SLC28A3: variants seen among roughly 807,000 people sequenced by gnomAD.
The protein encoded by SLC28A3 is concentrative Na(+)-nucleoside cotransporter 3.
Under a neutral mutation model 84.2 loss-of-function variants are expected in SLC28A3, and 68 were observed. That is an observed-to-expected ratio of 0.81 (90% CI 0.66 to 0.99). The LOEUF (loss-of-function observed/expected upper bound fraction) is 0.99. Among genes scored for constraint, SLC28A3 ranks in the 50% least tolerant of loss-of-function variants. The probability of loss-of-function intolerance (pLI) is 0.00; values close to 1 mark genes in which losing one functional copy is unlikely to be tolerated. For missense variants in SLC28A3, 712 were observed against 841.5 expected (o/e 0.85, Z 1.90); for synonymous variants, 267 against 303.6 (o/e 0.88, Z 1.25).
intron 14 of SLC28A3, among the ~76,000 whole-genome samples, chr9:84,284,345 T>C (rs898479391): frequency 6.6e-6 from 1 of 152,152 alleles, no homozygotes; most frequent in African/African-American, 2.4e-5. Context: ...TGGGTCAAAA[T>C]GCCCCAGCTG....
chr9:84,323,867 T>C (rs1344922220), intron 1 of SLC28A3, among the ~76,000 whole-genome samples: 2 of 152,060 alleles, frequency 1.3e-5, no homozygotes, highest in African/African-American at 2.4e-5. Flanking sequence ...CCCTCTCCCA[T>C]GTCCTCCTTA....
chr9:84,327,997 C>G (rs1826631213), intron 1 of SLC28A3, among the ~76,000 whole-genome samples: 1 of 151,030 alleles, frequency 6.6e-6, no homozygotes, highest in Non-Finnish European at 1.5e-5. Context: ...TCAGAGTTCA[C>G]CCAGTACTGT....
rs1003670263 is a variant in SLC28A3 at position 84,277,664 on chromosome 9, T to A, written c.*554A>T. 1.3e-5 allele frequency: 2 copies of A among 152,388 alleles called. No homozygotes were observed. The highest frequency in any genetic ancestry group is 4.8e-5 in the African/African-American group (2 of 41,478). 9.4% of individuals were successfully genotyped at this position (152,388 alleles called of 1,614,324 possible). On this transcript the variant is annotated 3_prime_UTR_variant, in exon 18 of 18. Coordinates refer to ENST00000376238, the MANE Select transcript of SLC28A3 (RefSeq NM_001199633.2). ...ATGGATTTAAACCCTGGTTTTGGTATGATCCACGTGTTCTCCTCAAGGACT... is the reference window on the plus strand; with the variant it reads ...ATGGATTTAAACCCTGGTTTTGGTAAGATCCACGTGTTCTCCTCAAGGACT...
intron 1 of SLC28A3, among the ~76,000 whole-genome samples, chr9:84,340,242 C>T (rs3812509): frequency 0.6 from 90,392 of 151,818 alleles, 27,145 homozygotes; most frequent in Middle Eastern, 0.68. Flanking sequence ...ATCTAAATTC[C>T]CCCATTTTTC....
chr9:84,317,792 TG>T (rs1426291107), intron 1 of SLC28A3, among the ~76,000 whole-genome samples: 1 of 152,198 alleles, frequency 6.6e-6, no homozygotes. Context: ...AAGTGCTCAT[TG>T]ACTATTAAGT....
At position 84,278,362 on chromosome 9, in the gene SLC28A3, G is replaced by C. The variant is rs1316461473; in HGVS notation, c.1950-18C>G. 2.5e-6 allele frequency: 4 copies of C among 1,613,660 alleles called. No individual in the cohort carries two copies. The highest frequency in any genetic ancestry group is 1.7e-4 in the Middle Eastern group (1 of 6,056). ...CAACAGTGCTGGTGGAAAGTGGAAA[G>C]AAACAGTTACATGAGCCATAGATGG... On this transcript the variant is annotated intron_variant, in intron 17 of 17. Coordinates refer to ENST00000376238, the MANE Select transcript of SLC28A3 (RefSeq NM_001199633.2).
intron 2 of SLC28A3, 65 bp downstream of exon 2, chr9:84,313,294 T>C (rs1300219535): frequency 5.6e-6 from 8 of 1,426,936 alleles, no homozygotes; most frequent in Non-Finnish European, 7.8e-6. Context: ...TGCCCACTGT[T>C]CTCAGGTGCC....
At chr9:84,310,808 C>G (rs1825964029) in intron 2 of SLC28A3, among the ~76,000 whole-genome samples, 1 of 152,040 alleles carries the variant, frequency 6.6e-6, no homozygotes, top group African/African-American at 2.4e-5. Flanking sequence ...GGAGTTGAGT[C>G]TTATTTATTT....
At chr9:84,305,464 C>A in intron 3 of SLC28A3, 119 bp from the exon 4 acceptor site, 1 of 789,582 alleles carries the variant, frequency 1.3e-6, no homozygotes, top group South Asian at 1.5e-5. Flanking sequence ...ATGTGTGAGG[C>A]GTATGTCTTA....
rs10441793 is a variant in SLC28A3 at position 84,290,120 on chromosome 9, G to T, written c.1149+34C>A. On this transcript the variant is annotated intron_variant, in intron 11 of 17. Coordinates refer to ENST00000376238, the MANE Select transcript of SLC28A3 (RefSeq NM_001199633.2). ...AAATAACAATAATAAAGAAAGAAGA[G>T]GTTGGTGTTTTCATAATTCCAAAAC... 1,953 of 1,607,166 alleles carry T rather than the reference G, an allele frequency of 1.2e-3. 17 individuals are homozygous for T. The African/African-American group carries it at 0.022, about 18-fold the overall frequency.
intron 15 of SLC28A3, 77 bp downstream of exon 15, chr9:84,280,719 GACATA>G: frequency 7.2e-7 from 1 of 1,397,634 alleles, no homozygotes; most frequent in Non-Finnish European, 1.0e-6. Context: ...TGTTTTTTCT[GACATA>G]ACAGTACAGA....
intron 12 of SLC28A3, 38 bp downstream of exon 12, chr9:84,288,010 T>G (rs764811945): frequency 1.2e-6 from 2 of 1,612,670 alleles, no homozygotes; most frequent in Non-Finnish European, 1.7e-6. Context: ...CCGCCCCGGC[T>G]TGGGTAGTCA....
At chr9:84,283,774 G>A (rs926362801) in intron 14 of SLC28A3, among the ~76,000 whole-genome samples, 2 of 152,174 alleles carry the variant, frequency 1.3e-5, no homozygotes, top group Admixed American at 1.3e-4. Context: ...GATATCACTG[G>A]GGTTTTGCCT....
At chr9:84,348,423 T>A in the SLC28A3 span, among the ~76,000 whole-genome samples, 5,244 of 151,472 alleles carry the variant, frequency 0.035, 329 homozygotes, top group African/African-American at 0.12. Flanking sequence ...ACTTCTACAC[T>A]CACTAGCTGC....
At chr9:84,293,999 AAG>A (rs1825327165) in intron 9 of SLC28A3, among the ~76,000 whole-genome samples, 194 bp downstream of exon 9, 2 of 152,208 alleles carry the variant, frequency 1.3e-5, no homozygotes, top group Non-Finnish European at 1.5e-5. Flanking sequence ...ACCCTATTAG[AAG>A]CTCCTGAGAT....
chr9:84,328,997 C>T (rs1199989129), intron 1 of SLC28A3, among the ~76,000 whole-genome samples: 1 of 152,096 alleles, frequency 6.6e-6, no homozygotes, highest in Non-Finnish European at 1.5e-5. Context: ...AAGAGACATA[C>T]TTTACATTCA....
chr9:84,279,852 G>T, intron 16 of SLC28A3, 123 bp downstream of exon 16: 1 of 863,192 alleles, frequency 1.2e-6, no homozygotes, highest in Non-Finnish European at 1.8e-6. Context: ...ATGCTTAAGA[G>T]CAGCTCTAAC....
intron 1 of SLC28A3, among the ~76,000 whole-genome samples, chr9:84,331,311 T>G (rs1225716731): frequency 6.6e-6 from 1 of 152,184 alleles, no homozygotes; most frequent in African/African-American, 2.4e-5. Flanking sequence ...GAGTACTCAA[T>G]GTGATTCATA....
At chr9:84,361,006 T>C in the SLC28A3 span, among the ~76,000 whole-genome samples, 2 of 152,148 alleles carry the variant, frequency 1.3e-5, no homozygotes, top group African/African-American at 4.8e-5. Flanking sequence ...ACTTGCTAAA[T>C]GAGCTGATTG....
Sources: allele counts gnomAD v4.1 joint callset (sites outside exome capture counted in the v4.1 genomes callset), GRCh38; gene constraint gnomAD v4.1.1; transcripts MANE v1.5; gene names NCBI Gene and HGNC (gene_info 2026-07-23, HGNC 2026-07-21).